The following PTK2 variants were observed in gnomAD, a reference collection of about 807,000 sequenced individuals.
PTK2 encodes protein tyrosine kinase 2, also known as focal adhesion kinase 1.
A neutral mutation model predicts 150.1 loss-of-function variants in PTK2; 45 were observed. That is an observed-to-expected ratio of 0.30 (90% CI 0.24 to 0.38). The LOEUF is 0.38. Ranked by LOEUF, PTK2 falls within the 10% of genes least tolerant of loss-of-function variation. The pLI is 1.00. For missense variants in PTK2, 919 were observed against 1,307.3 expected, an observed-to-expected ratio of 0.70 and a Z score of 4.58; for synonymous variants, 432 against 449.2, an observed-to-expected ratio of 0.96 and a Z score of 0.48.
chr8:140,927,631 C>G (rs2100169953), intron 1 of PTK2, among the ~76,000 whole-genome samples: 1 of 151,932 alleles, frequency 6.6e-6, no homozygotes, highest in African/African-American at 2.4e-5. Context: ...TCATGATGGC[C>G]TGAAAAAGCT....
At chr8:140,808,786 A>G (rs2100099700) in intron 10 of PTK2, among the ~76,000 whole-genome samples, 1 of 129,686 alleles carries the variant, frequency 7.7e-6, no homozygotes, top group Non-Finnish European at 1.5e-5. Flanking sequence ...TCCAGCATGG[A>G]GTGCAGTGGT....
At chr8:140,739,649 C>A (rs2100054556) in intron 20 of PTK2, among the ~76,000 whole-genome samples, 1 of 152,172 alleles carries the variant, frequency 6.6e-6, no homozygotes, top group South Asian at 2.1e-4. Context: ...CTGATAGGTT[C>A]CATTTCCTTT....
chr8:140,945,647 T>C (rs2100177443), intron 1 of PTK2, among the ~76,000 whole-genome samples: 1 of 152,108 alleles, frequency 6.6e-6, no homozygotes, highest in Non-Finnish European at 1.5e-5. Context: ...TTGTCACAAT[T>C]CCCATTTAAA....
intron 2 of PTK2, among the ~76,000 whole-genome samples, chr8:140,913,183 TG>T (rs1204958946): frequency 6.0e-4 from 91 of 152,368 alleles, no homozygotes; most frequent in African/African-American, 2.1e-3. Context: ...AGATTTATTT[TG>T]ATTTTCTATA....
chr8:140,659,139 C>T (rs765541372), exon 32 of PTK2: 8 of 300,054 alleles, frequency 2.7e-5, no homozygotes, highest in Non-Finnish European at 5.0e-5. Context: ...CTTGGCCATC[C>T]CCCTTTAGAA....
intron 1 of PTK2, among the ~76,000 whole-genome samples, chr8:140,985,048 CATTAT>C (rs1307658266): frequency 6.6e-6 from 1 of 152,196 alleles, no homozygotes; most frequent in Non-Finnish European, 1.5e-5. Flanking sequence ...ACTGTAATAA[CATTAT>C]ATTACCAGTT....
intron 1 of PTK2, among the ~76,000 whole-genome samples, chr8:140,998,418 A>G (rs938130977): frequency 6.6e-6 from 1 of 152,196 alleles, no homozygotes; most frequent in Non-Finnish European, 1.5e-5. Flanking sequence ...ATCAACATTC[A>G]GGAAAGGACA....
chr8:140,707,955 G>A (rs2100034730), intron 23 of PTK2, among the ~76,000 whole-genome samples: 1 of 152,034 alleles, frequency 6.6e-6, no homozygotes, highest in African/African-American at 2.4e-5. Flanking sequence ...ATAAGATGGG[G>A]GTGAGCTACA....
intron 4 of PTK2, among the ~76,000 whole-genome samples, chr8:140,865,376 T>C (rs1482617040): frequency 3.9e-5 from 6 of 152,248 alleles, no homozygotes; most frequent in Non-Finnish European, 7.3e-5. Flanking sequence ...GTTCAAGTTT[T>C]TGTCCTTGTT....
At chr8:140,746,769 T>C in exon 18 of PTK2, 1 of 1,609,046 alleles carries the variant, frequency 6.2e-7, no homozygotes, top group Non-Finnish European at 8.5e-7. Flanking sequence ...CCTCTCCAAG[T>C]GTGCACAGCT....
intron 10 of PTK2, among the ~76,000 whole-genome samples, chr8:140,807,032 A>T (rs778404830): frequency 6.6e-6 from 1 of 152,212 alleles, no homozygotes; most frequent in Non-Finnish European, 1.5e-5. Context: ...TGAGGATGGG[A>T]GTATCATGTC....
intron 11 of PTK2, among the ~76,000 whole-genome samples, chr8:140,802,683 T>A (rs2100095815): frequency 6.6e-6 from 1 of 152,208 alleles, no homozygotes; most frequent in East Asian, 1.9e-4. Context: ...ACATTTTTTA[T>A]CTTCTATACT....
intron 1 of PTK2, among the ~76,000 whole-genome samples, chr8:140,981,521 C>G (rs183950713): frequency 9.4e-4 from 143 of 152,312 alleles, no homozygotes; most frequent in Middle Eastern, 3.4e-3. Flanking sequence ...TGTTATCACC[C>G]TCTACACGAG....
At chr8:140,776,384 T>C (rs551485124) in intron 14 of PTK2, among the ~76,000 whole-genome samples, 1 of 152,378 alleles carries the variant, frequency 6.6e-6, no homozygotes, top group East Asian at 1.9e-4. Flanking sequence ...AATCCACTTG[T>C]AATTGCTGCT....
rs182609704 is a variant in PTK2, at chr8:140,920,761, G to A, written c.-33+4900C>T. The A allele has an allele frequency of 1.0e-4, 138 of 1,354,794 alleles. 1 individual carries two copies. The Middle Eastern group carries it at 1.7e-3, about 16-fold the overall frequency. 83.9% of individuals were successfully genotyped at this position (1,354,794 alleles called of 1,614,324 possible). ...TGAAAAACATTTATCTACCTTTTCG[G>A]TGCAAAAGCATGAATTCAAATAAAA... On this transcript the variant is annotated intron_variant, in intron 2 of 31. Coordinates refer to ENST00000522684, the Ensembl canonical transcript of PTK2.
At chr8:140,771,887 C>CT (rs2100075689) in intron 14 of PTK2, among the ~76,000 whole-genome samples, 1 of 150,898 alleles carries the variant, frequency 6.6e-6, no homozygotes, top group African/African-American at 2.4e-5. Flanking sequence ...TCAAGCGATT[C>CT]TCCTGCTTCA....
chr8:140,684,300 T>G (rs1372306094), intron 27 of PTK2, among the ~76,000 whole-genome samples: 1 of 152,228 alleles, frequency 6.6e-6, no homozygotes, highest in African/African-American at 2.4e-5. Context: ...GTGTGCAATC[T>G]AGATCTCTCA....
rs775082106 is a variant in PTK2, at chr8:140,665,139, G to A, written c.2866-142C>T. ...TTTTCTCAGTGCTTAGCCCTATCTT[G>A]TAAGTTATGAGGCTCCTTTTTCTCC... On this transcript the variant is annotated intron_variant, in intron 30 of 31. Coordinates refer to ENST00000522684, the Ensembl canonical transcript of PTK2. 2.2e-5 allele frequency: 16 copies of A among 717,202 alleles called. No homozygotes were observed. In the Middle Eastern group the frequency reaches 2.3e-3, roughly 102 times the overall value. The allele number at this position is 717,202 out of a possible 1,614,324, so 44.4% of individuals were successfully genotyped here. A position where few individuals can be genotyped will look rare whatever the true frequency, so the allele number is the denominator to read the frequency against.
At chr8:140,815,973 T>C (rs901579582) in intron 10 of PTK2, among the ~76,000 whole-genome samples, 4 of 152,172 alleles carry the variant, frequency 2.6e-5, no homozygotes, top group African/African-American at 9.6e-5. Flanking sequence ...AATAGGAATA[T>C]TGTCTACTGC....
Sources: gnomAD v4.1 joint callset for allele counts (sites outside exome capture counted in the v4.1 genomes callset) on GRCh38, gnomAD v4.1.1 for gene constraint, MANE v1.5 for transcripts, NCBI Gene and HGNC (gene_info 2026-07-23, HGNC 2026-07-21) for gene names.